The following EFNA2 variants were observed in gnomAD, a reference collection of about 807,000 sequenced individuals.
EFNA2 encodes the protein ephrin-A2.
A neutral mutation model predicts 19.7 loss-of-function variants in EFNA2; 18 were observed. That is an observed-to-expected ratio of 0.91 (90% CI 0.63 to 1.35). The LOEUF is 1.35. Ranked by LOEUF, EFNA2 falls within the 40% of genes most tolerant of loss-of-function variation. EFNA2 has a pLI of 0.00. For missense variants in EFNA2, 303 were observed against 296.0 expected, an observed-to-expected ratio of 1.02 and a Z score of -0.17; for synonymous variants, 187 against 137.8, an observed-to-expected ratio of 1.36 and a Z score of -2.50.
chr19:1,298,578 G>C lies in EFNA2; in HGVS notation c.482G>C (p.Arg161Pro). The stretch of plus-strand genomic sequence containing the variant: ...GCCACGCCTCCCAATGCTGTGGACC[G>C]GCCCTGCCTGCGACTGAAGGTGTAC... Reference protein sequence around the residue: ...ISATPPNAVDRPCLRLKVYVR... With the variant: ...ISATPPNAVDPPCLRLKVYVR... The change falls in exon 3 of 4, where the codon CGG becomes CCG. Residue 161 changes from arginine (R) to proline (P), a missense_variant. Transcript: ENST00000215368. 6.2e-7 allele frequency: 1 copy of C among 1,613,990 alleles called. No individual in the cohort carries two copies. Among genetic ancestry groups the C allele is most frequent in the Non-Finnish European group, 8.5e-7 (1 of 1,179,982 alleles).
chr19:1,290,843 CG>C (rs2144615470), intron 1 of EFNA2, among the ~76,000 whole-genome samples: 1 of 152,322 alleles, frequency 6.6e-6, no homozygotes, highest in Non-Finnish European at 1.5e-5. Flanking sequence ...GCAGACGAGC[CG>C]GCGGGGTTTT....
chr19:1,298,583 T>C lies in EFNA2; in HGVS notation c.487T>C (p.Cys163Arg), dbSNP rs2081526343. Reference protein sequence around the residue: ...ATPPNAVDRPCLRLKVYVRPT... With the variant: ...ATPPNAVDRPRLRLKVYVRPT... ...GCCTCCCAATGCTGTGGACCGGCCC[T>C]GCCTGCGACTGAAGGTGTACGTGCG... is the stretch of plus-strand genomic sequence containing the variant. Residue 163 changes from cysteine (C) to arginine (R), a missense_variant, in exon 3 of 4, where the codon TGC becomes CGC. By Grantham distance (180) the Cys-to-Arg change is radical (BLOSUM62 -3). Transcript: ENST00000215368. 6.2e-7 allele frequency: 1 copy of C among 1,614,042 alleles called. No individual in the cohort carries two copies. Among genetic ancestry groups the C allele is most frequent in the Non-Finnish European group, 8.5e-7 (1 of 1,179,990 alleles).
Position 1,295,888 on chromosome 19 carries a change from GC to G in EFNA2, c.454+33del. On this transcript the variant is annotated intron_variant, in intron 2 of 3. Coordinates refer to ENST00000215368, the MANE Select transcript of EFNA2 (RefSeq NM_001405.4). The surrounding 1 kb of genome is among the most constrained non-coding windows in gnomAD (Gnocchi z 5.8). ...GTGGGGTCGGGCCGGGGCTGCCGGGGCCCGAGTGGGCGGGGACGCGGGGGCG... is the reference window on the plus strand; with the variant it reads ...GTGGGGTCGGGCCGGGGCTGCCGGGGCCGAGTGGGCGGGGACGCGGGGGCG... The G allele has an allele frequency of 2.7e-6, 4 of 1,503,320 alleles. No homozygotes were observed. Among genetic ancestry groups the G allele is most frequent in the Non-Finnish European group, 3.5e-6 (4 of 1,131,420 alleles). The allele number at this position is 1,503,320 out of a possible 1,614,324, so 93.1% of individuals were successfully genotyped here.
chr19:1,293,891 C>T (rs907971923), intron 1 of EFNA2, among the ~76,000 whole-genome samples: 2 of 152,380 alleles, frequency 1.3e-5, no homozygotes, highest in Middle Eastern at 3.4e-3. Context: ...CCCCGCCTGG[C>T]GTGGCATCTC....
chr19:1,300,240 GATTTTTTTTTTTT>G lies in EFNA2; in HGVS notation c.*296_*308del, dbSNP rs2081535620. 2 of 88,054 alleles carry G rather than the reference GATTTTTTTTTTTT, an allele frequency of 2.3e-5. No individual in the cohort carries two copies. The highest frequency in any genetic ancestry group is 2.2e-5 in the Non-Finnish European group (1 of 45,066). 5.5% of individuals were successfully genotyped at this position (88,054 alleles called of 1,614,324 possible). ...TCGGAGAACCCGGGAACCTCTTGGC[GATTTTTTTTTTTT>G]TTTTTTTTTTTTTTTTTTTTTTTAG... On this transcript the variant is annotated 3_prime_UTR_variant, in exon 4 of 4. Coordinates refer to ENST00000215368, the MANE Select transcript of EFNA2 (RefSeq NM_001405.4).
At position 1,287,516 on chromosome 19, in the gene EFNA2, A is replaced by C. The variant is rs1408276510; in HGVS notation, c.140+1208A>C. Among the ~76,000 whole-genome samples, 2 of 151,642 alleles carry C rather than the reference A, an allele frequency of 1.3e-5. No individual in the cohort carries two copies. ...CCTGCTGTCCTCGGTCCCCGGGAGG[A>C]AAGTTGCATGAAGGGGTCTCTTTGA... is the stretch of plus-strand genomic sequence containing the variant. On this transcript the variant is annotated intron_variant, in intron 1 of 3. Coordinates refer to ENST00000215368, the MANE Select transcript of EFNA2 (RefSeq NM_001405.4). This position sits in a 1 kb window ranked among gnomAD's most constrained non-coding sequence, Gnocchi z 6.2.
intron 1 of EFNA2, among the ~76,000 whole-genome samples, chr19:1,291,590 C>T (rs1220339625): frequency 6.6e-6 from 1 of 152,170 alleles, no homozygotes; most frequent in Non-Finnish European, 1.5e-5. Flanking sequence ...CCGGGAGCTT[C>T]TCCACCCTGG....
Position 1,294,743 on chromosome 19 carries a change from C to A in EFNA2, c.141-802C>A, listed in dbSNP as rs2081506236. On this transcript the variant is annotated intron_variant, in intron 1 of 3. Transcript: ENST00000215368. The surrounding 1 kb of genome is among the most constrained non-coding windows in gnomAD (Gnocchi z 5.8). ...GATTCTTCACGCCAAGCTCCGTTCT[C>A]TTTGGGGAAACTGAGGCCAGGGTGG... Among the ~76,000 whole-genome samples the A allele has an allele frequency of 6.6e-6, 1 of 151,864 alleles. No individual in the cohort carries two copies. The highest frequency in any genetic ancestry group is 1.5e-5 in the Non-Finnish European group (1 of 67,984).
chr19:1,294,182 G>C lies in EFNA2; in HGVS notation c.141-1363G>C, dbSNP rs957665913. On this transcript the variant is annotated intron_variant, in intron 1 of 3. Coordinates refer to ENST00000215368, the MANE Select transcript of EFNA2 (RefSeq NM_001405.4). This position sits in a 1 kb window ranked among gnomAD's most constrained non-coding sequence, Gnocchi z 5.8. The stretch of plus-strand genomic sequence containing the variant: ...GGGACCCCCCATTCCTCCCTGTTCA[G>C]GTCTTTTATGTGCTAATAAGCCCCT... Among the ~76,000 whole-genome samples, 2 of 152,216 alleles carry C rather than the reference G, an allele frequency of 1.3e-5. No individual in the cohort carries two copies. The highest frequency in any genetic ancestry group is 2.9e-5 in the Non-Finnish European group (2 of 68,026).
At chr19:1,288,866 A>G (rs58039789) in intron 1 of EFNA2, among the ~76,000 whole-genome samples, 1,596 of 152,164 alleles carry the variant, frequency 0.01, 31 homozygotes, top group African/African-American at 0.037. Flanking sequence ...TGGGCTGGGT[A>G]CCCCTGAGCT....
rs1568872630 is a variant in EFNA2, at chr19:1,300,049, G to T, written c.*104G>T. 18 of 1,409,264 alleles carry T rather than the reference G, an allele frequency of 1.3e-5. No homozygotes were observed. The highest frequency in any genetic ancestry group is 1.7e-5 in the Non-Finnish European group (18 of 1,071,618). 87.3% of individuals were successfully genotyped at this position (1,409,264 alleles called of 1,614,324 possible). A position where few individuals can be genotyped will look rare whatever the true frequency, so the allele number is the denominator to read the frequency against. The stretch of plus-strand genomic sequence containing the variant: ...CGGCCCCCGCCTCCGAGACCAAATA[G>T]AGACGCTGCTTCTCCCTCGCCTGGT... On this transcript the variant is annotated 3_prime_UTR_variant, in exon 4 of 4. Transcript: ENST00000215368.
At chr19:1,298,649 C>T (rs2081526900) in intron 3 of EFNA2, 33 bp downstream of exon 3, 1 of 1,610,028 alleles carries the variant, frequency 6.2e-7, no homozygotes, top group Non-Finnish European at 8.5e-7. Flanking sequence ...AGGATCCAGG[C>T]CCCCACCCCT....
chr19:1,291,438 C>T (rs779106226), intron 1 of EFNA2, among the ~76,000 whole-genome samples: 53 of 152,232 alleles, frequency 3.5e-4, no homozygotes, highest in Admixed American at 1.3e-4. Flanking sequence ...GGGGACATCT[C>T]TTCCGTCCCT....
upstream of EFNA2, among the ~76,000 whole-genome samples, chr19:1,284,355 C>T (rs1272852219): frequency 6.6e-6 from 1 of 152,228 alleles, no homozygotes; most frequent in Non-Finnish European, 1.5e-5. The surrounding 1 kb of genome is among the most constrained non-coding windows in gnomAD (Gnocchi z 5.3). Context: ...GGCCTTCGAC[C>T]TGGGACGTCT....
Position 1,286,005 on chromosome 19 carries a change from C to G in EFNA2, c.-164C>G, listed in dbSNP as rs2081461860. 1 of 151,784 alleles carries G rather than the reference C, an allele frequency of 6.6e-6. No individual in the cohort carries two copies. The highest frequency in any genetic ancestry group is 1.4e-5 in the Non-Finnish European group (1 of 71,336). The allele number at this position is 151,784 out of a possible 1,614,324, so 9.4% of individuals were successfully genotyped here. ...CGCCTGACTTCTCGGCGCCCGAGGT[C>G]GCGCGCGCGGAGGCGGGGGCGGCCC... On this transcript the variant is annotated 5_prime_UTR_variant, in exon 1 of 4. Transcript: ENST00000215368. This position sits in a 1 kb window ranked among gnomAD's most constrained non-coding sequence, Gnocchi z 5.6.
At chr19:1,289,928 G>A (rs1427930450) in intron 1 of EFNA2, among the ~76,000 whole-genome samples, 1 of 152,100 alleles carries the variant, frequency 6.6e-6, no homozygotes, top group Non-Finnish European at 1.5e-5. Context: ...AGAGAAGCTG[G>A]TCCACTCGGC....
chr19:1,294,823 G>T lies in EFNA2; in HGVS notation c.141-722G>T, dbSNP rs1408310160. ...ATGCCCGACCTGTGTCCCCCACGCTGCCCCGGTCCTTCTCAACAGGTGGGA... is the reference window on the plus strand; with the variant it reads ...ATGCCCGACCTGTGTCCCCCACGCTTCCCCGGTCCTTCTCAACAGGTGGGA... On this transcript the variant is annotated intron_variant, in intron 1 of 3. Coordinates refer to ENST00000215368, the MANE Select transcript of EFNA2 (RefSeq NM_001405.4). This position sits in a 1 kb window ranked among gnomAD's most constrained non-coding sequence, Gnocchi z 5.8. Among the ~76,000 whole-genome samples, 1 of 151,600 alleles carries T rather than the reference G, an allele frequency of 6.6e-6. No individual in the cohort carries two copies.
Position 1,286,214 on chromosome 19 carries a change from T to C in EFNA2, c.46T>C (p.Leu16=). 9.0e-7 allele frequency: 1 copy of C among 1,108,650 alleles called. No individual in the cohort carries two copies. The highest frequency in any genetic ancestry group is 1.1e-6 in the Non-Finnish European group (1 of 898,044). The allele number at this position is 1,108,650 out of a possible 1,614,324, so 68.7% of individuals were successfully genotyped here. A position where few individuals can be genotyped will look rare whatever the true frequency, so the allele number is the denominator to read the frequency against. ...RPLLPLLLLL[L]PLPPPPFARA... ...GCTGCTCCCGCTGCTGCTCCTGCTGTTACCGCTGCCGCCGCCGCCCTTCGC... is the reference window on the plus strand; with the variant it reads ...GCTGCTCCCGCTGCTGCTCCTGCTGCTACCGCTGCCGCCGCCGCCCTTCGC... Residue 16 remains leucine, a synonymous_variant, in exon 1 of 4, where the codon TTA becomes CTA. Transcript: ENST00000215368. This position sits in a 1 kb window ranked among gnomAD's most constrained non-coding sequence, Gnocchi z 5.6.
rs1343993399 is a variant in EFNA2 at position 1,300,013 on chromosome 19, G to A, written c.*68G>A. On this transcript the variant is annotated 3_prime_UTR_variant, in exon 4 of 4. Coordinates refer to ENST00000215368, the MANE Select transcript of EFNA2 (RefSeq NM_001405.4). ...CTGGACCGCCTGACCTCGGCCCTCCGGACCCGGCTGCGGCCCCCGCCTCCG... is the reference window on the plus strand; with the variant it reads ...CTGGACCGCCTGACCTCGGCCCTCCAGACCCGGCTGCGGCCCCCGCCTCCG... The A allele has an allele frequency of 1.7e-5, 25 of 1,504,872 alleles. No individual in the cohort carries two copies. Among genetic ancestry groups the A allele is most frequent in the East Asian group, 2.5e-5 (1 of 40,336 alleles). The allele number at this position is 1,504,872 out of a possible 1,614,324, so 93.2% of individuals were successfully genotyped here.
Sources: allele counts gnomAD v4.1 joint callset (sites outside exome capture counted in the v4.1 genomes callset), GRCh38; gene constraint gnomAD v4.1.1; non-coding constraint Gnocchi (gnomAD v3.1); transcripts MANE v1.5; gene names NCBI Gene and HGNC (gene_info 2026-07-23, HGNC 2026-07-21).